The following PLSCR1 variants were observed in gnomAD, a reference collection of about 807,000 sequenced individuals.
The protein encoded by PLSCR1 is PL scramblase 1.
PLSCR1 carries 17 observed loss-of-function variants against 37.8 expected under a neutral mutation model. The ratio of observed to expected loss-of-function variants is 0.45; its 90% CI spans 0.31 to 0.68. The LOEUF is 0.68. Ranked by LOEUF, PLSCR1 falls within the 30% of genes least tolerant of loss-of-function variation. The pLI is 0.06. For missense variants in PLSCR1, 347 were observed against 380.9 expected (o/e 0.91, Z 0.74); for synonymous variants, 116 against 125.9 (o/e 0.92, Z 0.53).
At chr3:146,526,183 CA>C (rs60229241) in intron 4 of PLSCR1, among the ~76,000 whole-genome samples, 812 of 42,766 alleles carry the variant, frequency 0.019, no homozygotes, top group African/African-American at 0.049. Flanking sequence ...GACTCCATCT[CA>C]AAAAAAAAAA....
At chr3:146,537,176 C>A (rs2044276919) in intron 1 of PLSCR1, among the ~76,000 whole-genome samples, 1 of 151,694 alleles carries the variant, frequency 6.6e-6, no homozygotes, top group Non-Finnish European at 1.5e-5. Context: ...GCCATAGCAC[C>A]TTGACCACCC....
chr3:146,533,504 C>T lies in PLSCR1; in HGVS notation c.60G>A (p.Gly20=). The T allele has an allele frequency of 6.2e-7, 1 of 1,607,888 alleles. No homozygotes were observed. Among genetic ancestry groups the T allele is most frequent in the Non-Finnish European group, 8.5e-7 (1 of 1,175,534 alleles). Residue 20 remains glycine (G), a synonymous_variant, in exon 3 of 9, where the codon GGG becomes GGA. Coordinates refer to ENST00000342435, the MANE Select transcript of PLSCR1 (RefSeq NM_021105.3). ...ASHPETNLPV[G]YPPQYPPTAF... is the part of the protein sequence containing the mutation. ...CTGTCGGTGGATACTGAGGAGGATA[C>T]CCAACTGGCAAGTTTGTTTCCGGGT...
At chr3:146,533,182 G>A (rs1344019554) in intron 3 of PLSCR1, among the ~76,000 whole-genome samples, 2 of 152,044 alleles carry the variant, frequency 1.3e-5, no homozygotes, top group Non-Finnish European at 2.9e-5. Context: ...GTACAGTCTT[G>A]TATTTCATTT....
At chr3:146,523,458 T>G (rs770073852) in intron 5 of PLSCR1, among the ~76,000 whole-genome samples, 4 of 152,204 alleles carry the variant, frequency 2.6e-5, no homozygotes, top group Non-Finnish European at 4.4e-5. Flanking sequence ...TCAATTGGTT[T>G]GAGACTGTCT....
At chr3:146,538,187 T>C (rs1480503939) in intron 1 of PLSCR1, 2 of 152,194 alleles carry the variant, frequency 1.3e-5, no homozygotes, top group Non-Finnish European at 2.9e-5. Context: ...AATTTATACT[T>C]TTCTGCTGTT....
At chr3:146,538,508 C>T (rs1169282856) in intron 1 of PLSCR1, among the ~76,000 whole-genome samples, 10 of 152,030 alleles carry the variant, frequency 6.6e-5, no homozygotes, top group Admixed American at 3.9e-4. Flanking sequence ...TTACCTGCCC[C>T]TTGCTTCTTA....
At chr3:146,522,560 G>C (rs1031405569) in intron 5 of PLSCR1, among the ~76,000 whole-genome samples, 2 of 151,952 alleles carry the variant, frequency 1.3e-5, no homozygotes, top group East Asian at 1.9e-4. Context: ...ACTGTGGAAG[G>C]CCACAGGGAC....
intron 4 of PLSCR1, 113 bp downstream of exon 4, chr3:146,528,501 A>G (rs2738909): frequency 0.42 from 350,015 of 828,126 alleles, 77,292 homozygotes; most frequent in African/African-American, 0.67. Flanking sequence ...CTGTTAGCAG[A>G]AAATACAGTT....
intron 1 of PLSCR1, among the ~76,000 whole-genome samples, chr3:146,542,465 T>C (rs2044349401): frequency 6.6e-6 from 1 of 152,196 alleles, no homozygotes; most frequent in Admixed American, 6.5e-5. Flanking sequence ...TGCCTCATGA[T>C]GCATTTCTCA....
rs1378237293 is a variant in PLSCR1, at chr3:146,538,955, C to A, written c.-13-2390G>T. Among the ~76,000 whole-genome samples, 3 of 152,164 alleles carry A rather than the reference C, an allele frequency of 2.0e-5. No individual in the cohort carries two copies. The East Asian group carries it at 5.8e-4, about 29-fold the overall frequency. ...CATCCTGGTAAACAGTGGTCCCCAA[C>A]CTTTTTGGCACCAGGGACCGGTTTT... is the stretch of plus-strand genomic sequence containing the variant. On this transcript the variant is annotated intron_variant, in intron 1 of 8. Coordinates refer to ENST00000342435, the MANE Select transcript of PLSCR1 (RefSeq NM_021105.3).
intron 5 of PLSCR1, among the ~76,000 whole-genome samples, chr3:146,522,559 G>A (rs1374923755): frequency 1.3e-5 from 2 of 152,150 alleles, no homozygotes; most frequent in Non-Finnish European, 2.9e-5. Context: ...CACTGTGGAA[G>A]GCCACAGGGA....
At chr3:146,516,462 AG>A (rs1560077867) in intron 8 of PLSCR1, 1,949 of 194,286 alleles carry the variant, frequency 0.01, 42 homozygotes, top group African/African-American at 0.044. Flanking sequence ...AGTTGAACTG[AG>A]GTATGGACTA....
At chr3:146,523,079 G>A (rs148475867) in intron 5 of PLSCR1, among the ~76,000 whole-genome samples, 2 of 152,116 alleles carry the variant, frequency 1.3e-5, no homozygotes, top group Admixed American at 6.5e-5. Flanking sequence ...CTCAGAGGCC[G>A]GTGCTGGCGC....
intron 4 of PLSCR1, chr3:146,528,395 A>G (rs2044148002): frequency 1.8e-6 from 1 of 565,230 alleles, no homozygotes; most frequent in South Asian, 2.1e-5. Flanking sequence ...ATTGGCCATT[A>G]TCATAGATTG....
intron 7 of PLSCR1, among the ~76,000 whole-genome samples, chr3:146,519,165 T>A (rs2108619900): frequency 6.6e-6 from 1 of 152,278 alleles, no homozygotes. Context: ...TTTGTTAAAG[T>A]CACATAGATA....
In PLSCR1 at chr3:146,521,916, T is replaced by A; in HGVS notation, c.493A>T (p.Ile165Phe). The change falls in exon 6 of 9, where the codon ATT becomes TTT. Residue 165 changes from isoleucine (I) to phenylalanine (F), a missense_variant. Physicochemically the swap from Ile to Phe is conservative, Grantham distance 21 (BLOSUM62 0). Coordinates refer to ENST00000342435, the MANE Select transcript of PLSCR1 (RefSeq NM_021105.3). ...ATGACTTCTTGACCCATATTATCAATAATCCTCAAGGTAAAAGGTCTAGAT... is the reference window on the plus strand; with the variant it reads ...ATGACTTCTTGACCCATATTATCAAAAATCCTCAAGGTAAAAGGTCTAGAT... ...GPSRPFTLRI[I>F]DNMGQEVITL... is the part of the protein sequence containing the mutation. 1 of 1,613,694 alleles carries A rather than the reference T, an allele frequency of 6.2e-7. No homozygotes were observed.
chr3:146,544,132 G>C (rs1231396077), intron 1 of PLSCR1, among the ~76,000 whole-genome samples: 1 of 152,214 alleles, frequency 6.6e-6, no homozygotes, highest in African/African-American at 2.4e-5. Flanking sequence ...GTGTAGCTAA[G>C]GGGAAGCTGA....
At chr3:146,538,167 G>A (rs1474278907) in intron 1 of PLSCR1, 2 of 152,146 alleles carry the variant, frequency 1.3e-5, no homozygotes, top group Non-Finnish European at 2.9e-5. Flanking sequence ...CAGAAAGGTA[G>A]AAATATTAAA....
At chr3:146,517,232 T>G in intron 7 of PLSCR1, 65 bp from the exon 8 acceptor site, 1 of 876,378 alleles carries the variant, frequency 1.1e-6, no homozygotes, top group Non-Finnish European at 1.7e-6. Context: ...CTTTCAAATT[T>G]GAAGTAAGAT....
Sources: gnomAD v4.1 joint callset for allele counts (sites outside exome capture counted in the v4.1 genomes callset) on GRCh38, gnomAD v4.1.1 for gene constraint, MANE v1.5 for transcripts, NCBI Gene and HGNC (gene_info 2026-07-23, HGNC 2026-07-21) for gene names.